Variants in CUBN observed in about 807,000 individuals in gnomAD.
CUBN encodes cubilin.
In CUBN, 282 loss-of-function variants were observed where a neutral mutation model predicts 405.3. The ratio of observed to expected loss-of-function variants is 0.70; its 90% CI spans 0.63 to 0.77. The LOEUF (loss-of-function observed/expected upper bound fraction) is 0.77, where lower values mean the gene tolerates loss of function less well. Among genes scored for constraint, CUBN ranks in the 30% least tolerant of loss-of-function variants. The pLI is 0.00. For missense variants in CUBN, 4,514 were observed against 4,475.2 expected (o/e 1.01, Z -0.25); for synonymous variants, 1,684 against 1,617.0 (o/e 1.04, Z -0.99).
At chr10:17,107,209 G>A (rs937006969) in intron 10 of CUBN, among the ~76,000 whole-genome samples, 10 of 152,110 alleles carry the variant, frequency 6.6e-5, no homozygotes, top group African/African-American at 1.7e-4. Flanking sequence ...AAAAATACTC[G>A]TCATAGACAT....
In CUBN at chr10:16,903,982, T is replaced by G. The variant is rs1363578102; in HGVS notation, c.8046A>C (p.Ala2682=). The change falls in exon 51 of 67, where the codon GCA becomes GCC. Residue 2682 remains alanine, a synonymous_variant. Transcript: ENST00000377833. ...AATTCTTACCTGTAAAGGAATACTT[T>G]GCATGGAATCCAATGTGTTCTACAC... The part of the protein sequence containing the change: ...NERVEHIGFH[A]KYSFTDCGGI... 1.9e-6 allele frequency: 3 copies of G among 1,611,194 alleles called. No individual in the cohort carries two copies. The highest frequency in any genetic ancestry group is 2.2e-5 in the East Asian group (1 of 44,804).
In CUBN at chr10:16,824,938, G is replaced by A. The variant is rs1838730440; in HGVS notation, c.*37C>T. ...GCAGAGTGCTGTCCAGCGTGCTGCAGAGGGAAAGTGCTGAGTGAACACGAG... is the reference window on the plus strand; with the variant it reads ...GCAGAGTGCTGTCCAGCGTGCTGCAAAGGGAAAGTGCTGAGTGAACACGAG... On this transcript the variant is annotated 3_prime_UTR_variant, in exon 67 of 67. Coordinates refer to ENST00000377833, the MANE Select transcript of CUBN (RefSeq NM_001081.4). 6.9e-7 allele frequency: 1 copy of A among 1,441,552 alleles called. No individual in the cohort carries two copies. Among genetic ancestry groups the A allele is most frequent in the Non-Finnish European group, 9.8e-7 (1 of 1,023,574 alleles). 89.3% of individuals were successfully genotyped at this position (1,441,552 alleles called of 1,614,324 possible).
chr10:17,058,248 G>A lies in CUBN; in HGVS notation c.3139+7260C>T, dbSNP rs145473145. ...TGTGTTTGCTGACATAGAGGTTGTT[G>A]AGGAAACTAATAAAAGGAACACGAG... On this transcript the variant is annotated intron_variant, in intron 22 of 66. Coordinates refer to ENST00000377833, the MANE Select transcript of CUBN (RefSeq NM_001081.4). 4.6e-3 allele frequency among the ~76,000 whole-genome samples: 698 copies of A among 152,184 alleles called. 7 individuals are homozygous for A. Among genetic ancestry groups the A allele is most frequent in the African/African-American group, 0.016 (661 of 41,520 alleles).
At chr10:16,935,143 A>G (rs978272770) in intron 39 of CUBN, among the ~76,000 whole-genome samples, 1 of 151,640 alleles carries the variant, frequency 6.6e-6, no homozygotes, top group African/African-American at 2.4e-5. Context: ...TTCTTTCCCA[A>G]TCTCTTTTAT....
At chr10:17,110,413 A>G (rs1836744209) in intron 9 of CUBN, among the ~76,000 whole-genome samples, 1 of 152,214 alleles carries the variant, frequency 6.6e-6, no homozygotes, top group Non-Finnish European at 1.5e-5. Flanking sequence ...GTTGTTTTCT[A>G]CTGATATTCA....
At chr10:16,903,850 A>G in intron 51 of CUBN, 116 bp downstream of exon 51, 1 of 641,978 alleles carries the variant, frequency 1.6e-6, no homozygotes, top group Non-Finnish European at 2.4e-6. Context: ...TGATAATATT[A>G]ACAAAACTAA....
intron 60 of CUBN, among the ~76,000 whole-genome samples, chr10:16,850,394 T>C (rs1472712706): frequency 6.6e-6 from 1 of 152,206 alleles, no homozygotes; most frequent in Non-Finnish European, 1.5e-5. Flanking sequence ...TGAACCTATA[T>C]AACCTGATAG....
intron 30 of CUBN, 24 bp from the exon 31 acceptor site, chr10:16,982,677 T>A (rs745479357): frequency 1.2e-6 from 2 of 1,601,638 alleles, no homozygotes; most frequent in East Asian, 2.2e-5. Context: ...ACACAATTAT[T>A]TCATGAGAGG....
chr10:17,055,397 C>G (rs1199033202), intron 22 of CUBN, among the ~76,000 whole-genome samples: 1 of 151,888 alleles, frequency 6.6e-6, no homozygotes, highest in East Asian at 1.9e-4. Flanking sequence ...TTCAAGAATG[C>G]ACAGAAAGTT....
At chr10:17,001,044 A>G (rs1459894339) in intron 28 of CUBN, among the ~76,000 whole-genome samples, 1 of 151,956 alleles carries the variant, frequency 6.6e-6, no homozygotes, top group Non-Finnish European at 1.5e-5. Context: ...TGCGTTCGTG[A>G]TCTTGCTGAC....
rs747180240 is a variant in CUBN at position 16,933,097 on chromosome 10, C to G, written c.6114G>C (p.Val2038=). ...SHRTCAYDSL[V]IRDGDNNLAQ... ...TTATAATGTTCTCACCATCTCGTAT[C>G]ACAAGGCTATCATAGGCACACGTTC... Residue 2038 remains valine, a synonymous_variant, in exon 40 of 67, where the codon GTG becomes GTC. Transcript: ENST00000377833. 2.5e-6 allele frequency: 4 copies of G among 1,613,814 alleles called. No homozygotes were observed. The highest frequency in any genetic ancestry group is 3.3e-5 in the Admixed American group (2 of 59,988).
intron 37 of CUBN, 27 bp from the exon 38 acceptor site, chr10:16,939,174 C>G: frequency 1.3e-6 from 2 of 1,562,870 alleles, no homozygotes; most frequent in Non-Finnish European, 1.8e-6. Context: ...AGTAGTAAAT[C>G]AGACCCACTT....
At chr10:16,831,473 C>T (rs151313566) in intron 64 of CUBN, 56 bp from the exon 65 acceptor site, 18 of 1,429,800 alleles carry the variant, frequency 1.3e-5, no homozygotes, top group Admixed American at 1.7e-5. Flanking sequence ...AAGGTATATA[C>T]ATTAAAATGG....
chr10:17,041,436 G>A (rs1042618436), intron 26 of CUBN, among the ~76,000 whole-genome samples: 1 of 151,946 alleles, frequency 6.6e-6, no homozygotes, highest in African/African-American at 2.4e-5. Flanking sequence ...TTTCCATTTA[G>A]AAGAAATGTG....
At chr10:16,834,914 A>G in intron 64 of CUBN, 100 bp downstream of exon 64, 1 of 1,142,630 alleles carries the variant, frequency 8.8e-7, no homozygotes, top group Non-Finnish European at 1.3e-6. Flanking sequence ...AACAAATAAG[A>G]ATCATATAAT....
Position 17,114,049 on chromosome 10 carries a change from G to A in CUBN, c.861C>T (p.Phe287=). 2.5e-6 allele frequency: 4 copies of A among 1,612,994 alleles called. No homozygotes were observed. The highest frequency in any genetic ancestry group is 2.5e-6 in the Non-Finnish European group (3 of 1,179,576). The change falls in exon 8 of 67, where the codon TTC becomes TTT. Residue 287 remains phenylalanine (F), a synonymous_variant. Coordinates refer to ENST00000377833, the MANE Select transcript of CUBN (RefSeq NM_001081.4). ...TACCTGTTGGACAGGCCCCACAGTA[G>A]AAAGAGCCTTGAGTGTTGAAACACT... is the stretch of plus-strand genomic sequence containing the variant. ...LVQCFNTQGS[F]YCGACPTGWQ...
In CUBN at chr10:16,982,764, A is replaced by G; in HGVS notation, c.4526-111T>C. On this transcript the variant is annotated intron_variant, in intron 30 of 66. Transcript: ENST00000377833. ...TTACTTTGCTTGAATCAGTTAGTCGATGCTAAAAACACTGAAGAATTTGAT... is the reference window on the plus strand; with the variant it reads ...TTACTTTGCTTGAATCAGTTAGTCGGTGCTAAAAACACTGAAGAATTTGAT... 5 of 994,264 alleles carry G rather than the reference A, an allele frequency of 5.0e-6. No individual in the cohort carries two copies. In the South Asian group the frequency reaches 5.5e-5, roughly 11 times the overall value. The allele number at this position is 994,264 out of a possible 1,614,324, so 61.6% of individuals were successfully genotyped here. A position where few individuals can be genotyped will look rare whatever the true frequency, so the allele number is the denominator to read the frequency against.
At position 17,114,161 on chromosome 10, in the gene CUBN, CCAG is replaced by C; in HGVS notation, c.746_748del (p.Ala249del). On this transcript the variant is annotated inframe_deletion, in exon 8 of 67. Coordinates refer to ENST00000377833, the MANE Select transcript of CUBN (RefSeq NM_001081.4). ...AGGGCTGTTGGGTGAAAACATCCACCCAGCATCACAGACGCAGCTGTACTTGGG... is the reference window on the plus strand; with the variant it reads ...AGGGCTGTTGGGTGAAAACATCCACCCATCACAGACGCAGCTGTACTTGGG... 2 of 1,613,798 alleles carry C rather than the reference CCAG, an allele frequency of 1.2e-6. No homozygotes were observed. Among genetic ancestry groups the C allele is most frequent in the Non-Finnish European group, 8.5e-7 (1 of 1,179,914 alleles).
chr10:17,041,832 G>A (rs1419386975), intron 26 of CUBN, among the ~76,000 whole-genome samples: 2 of 152,100 alleles, frequency 1.3e-5, no homozygotes, highest in Non-Finnish European at 2.9e-5. Flanking sequence ...AGGATTTAAA[G>A]AAGAAAGGAA....
Sources: gnomAD v4.1 joint callset for allele counts (sites outside exome capture counted in the v4.1 genomes callset) on GRCh38, gnomAD v4.1.1 for gene constraint, MANE v1.5 for transcripts, NCBI Gene and HGNC (gene_info 2026-07-23, HGNC 2026-07-21) for gene names.